The following PDXK variants were observed in gnomAD, a reference collection of about 807,000 sequenced individuals.
The protein encoded by PDXK is pyridoxal kinase.
PDXK carries 15 observed loss-of-function variants against 43.2 expected under a neutral mutation model. That is an observed-to-expected ratio of 0.35 (90% CI 0.23 to 0.53). The LOEUF (loss-of-function observed/expected upper bound fraction) is 0.53. Ranked by LOEUF, PDXK falls within the 20% of genes least tolerant of loss-of-function variation. PDXK has a pLI of 0.92. For synonymous variants in PDXK, 172 were observed against 165.4 expected (o/e 1.04, Z -0.31); for missense variants, 343 against 417.0 (o/e 0.82, Z 1.54).
chr21:43,727,346 G>A (rs1041341571), intron 1 of PDXK, among the ~76,000 whole-genome samples: 7 of 151,102 alleles, frequency 4.6e-5, no homozygotes, highest in South Asian at 2.2e-4. Context: ...GCAATCAGCC[G>A]AGGAGGGGCC....
Position 43,737,804 on chromosome 21 carries a change from GC to G in PDXK, c.142+3683del. 1.0e-6 allele frequency: 1 copy of G among 985,492 alleles called. No individual in the cohort carries two copies. Among genetic ancestry groups the G allele is most frequent in the Non-Finnish European group, 1.2e-6 (1 of 829,952 alleles). 61.0% of individuals were successfully genotyped at this position (985,492 alleles called of 1,614,324 possible). On this transcript the variant is annotated intron_variant, in intron 2 of 10. Transcript: ENST00000291565. This position sits in a 1 kb window ranked among gnomAD's most constrained non-coding sequence, Gnocchi z 4.8. ...CTGACAGGAGTGCCAGGCTCCTTGG[GC>G]CGCCCGAGGAACCGCTTGTTTGCCT...
At position 43,737,107 on chromosome 21, in the gene PDXK, G is replaced by A. The variant is rs1428423487; in HGVS notation, c.142+2984G>A. ...ACCAGCACGCCCACCTCCTGCCCAG[G>A]GTTGTTACTGGGGTGGTCACGTGGG... is the stretch of plus-strand genomic sequence containing the variant. On this transcript the variant is annotated intron_variant, in intron 2 of 10. Transcript: ENST00000291565. The surrounding 1 kb of genome is among the most constrained non-coding windows in gnomAD (Gnocchi z 4.8). 7.0e-6 allele frequency: 7 copies of A among 994,604 alleles called. No individual in the cohort carries two copies. In the African/African-American group the frequency reaches 1.1e-4, roughly 16 times the overall value. The allele number at this position is 994,604 out of a possible 1,614,324, so 61.6% of individuals were successfully genotyped here.
intron 2 of PDXK, among the ~76,000 whole-genome samples, chr21:43,740,754 G>T (rs1400558204): frequency 6.6e-6 from 1 of 151,898 alleles, no homozygotes; most frequent in Non-Finnish European, 1.5e-5. Flanking sequence ...ATACACCTGG[G>T]CTGAGGCCTC....
intron 2 of PDXK, among the ~76,000 whole-genome samples, chr21:43,739,537 ACACCTCCTT>A (rs139745967): frequency 0.01 from 1,537 of 152,094 alleles, 41 homozygotes; most frequent in African/African-American, 0.036. Context: ...GGGGAAACAA[ACACCTCCTT>A]CACATTGGCG....
Position 43,723,131 on chromosome 21 carries a change from G to T in PDXK, c.87+3750G>T, listed in dbSNP as rs905474026. ...GGGATTACAGGCATGGGGCCACCAC[G>T]CCTGGCCTTCTTTTTCTTTTTCTTT... On this transcript the variant is annotated intron_variant, in intron 1 of 10. Transcript: ENST00000291565. The surrounding 1 kb of genome is among the most constrained non-coding windows in gnomAD (Gnocchi z 4.1). Among the ~76,000 whole-genome samples, 1 of 150,810 alleles carries T rather than the reference G, an allele frequency of 6.6e-6. No individual in the cohort carries two copies. Among genetic ancestry groups the T allele is most frequent in the Non-Finnish European group, 1.5e-5 (1 of 67,806 alleles).
At chr21:43,729,269 T>C (rs2083287960) in intron 1 of PDXK, among the ~76,000 whole-genome samples, 2 of 152,252 alleles carry the variant, frequency 1.3e-5, no homozygotes. Flanking sequence ...CCGGGGGCTT[T>C]GGCCAGGGCC....
rs921943619 is a variant in PDXK at position 43,759,244 on chromosome 21, C to G, written c.*3181C>G. ...CACAGTAGGTGCACGGTGCAAGGCC[C>G]TGGGAGGGCACTGGCCAGGGAAGGT... On this transcript the variant is annotated 3_prime_UTR_variant, in exon 11 of 11. Transcript: ENST00000291565. 1.3e-5 allele frequency: 2 copies of G among 153,344 alleles called. No homozygotes were observed. The highest frequency in any genetic ancestry group is 2.1e-4 in the South Asian group (1 of 4,826). 9.5% of individuals were successfully genotyped at this position (153,344 alleles called of 1,614,324 possible). A position where few individuals can be genotyped will look rare whatever the true frequency, so the allele number is the denominator to read the frequency against.
intron 1 of PDXK, among the ~76,000 whole-genome samples, chr21:43,724,648 C>T (rs959863304): frequency 6.6e-6 from 1 of 150,878 alleles, no homozygotes; most frequent in Admixed American, 6.6e-5. Flanking sequence ...TTGAGACCAC[C>T]GTGGGCAACA....
chr21:43,741,567 C>T lies in PDXK; in HGVS notation c.143-100C>T, dbSNP rs1486957429. ...AGCCAGTCCATGGGGAGGAGCCGTC[C>T]ACCAGGCAGCCTCAGGGAGAGTGGG... On this transcript the variant is annotated intron_variant, in intron 2 of 10. Coordinates refer to ENST00000291565, the MANE Select transcript of PDXK (RefSeq NM_003681.5). 1 of 1,547,132 alleles carries T rather than the reference C, an allele frequency of 6.5e-7. No homozygotes were observed. Among genetic ancestry groups the T allele is most frequent in the Non-Finnish European group, 8.7e-7 (1 of 1,148,782 alleles).
intron 4 of PDXK, among the ~76,000 whole-genome samples, chr21:43,744,035 G>C (rs1338056485): frequency 6.6e-6 from 1 of 152,248 alleles, no homozygotes; most frequent in Non-Finnish European, 1.5e-5. Context: ...TGTGGCTGGT[G>C]TGAGACAGGA....
At chr21:43,733,670 C>G (rs2083356788) in intron 1 of PDXK, 2 of 1,058,598 alleles carry the variant, frequency 1.9e-6, no homozygotes, top group South Asian at 3.0e-5. Flanking sequence ...ACAGCAGAGA[C>G]AGCCTCCCAG....
intron 3 of PDXK, among the ~76,000 whole-genome samples, chr21:43,742,107 G>A (rs2083546020): frequency 6.6e-6 from 1 of 152,116 alleles, no homozygotes; most frequent in Admixed American, 6.5e-5. Context: ...TTAGGTGACG[G>A]GCTGCTACCT....
At chr21:43,747,971 T>G (rs2083666848) in intron 5 of PDXK, among the ~76,000 whole-genome samples, 1 of 152,216 alleles carries the variant, frequency 6.6e-6, no homozygotes, top group Non-Finnish European at 1.5e-5. Flanking sequence ...AAGCCATGTC[T>G]GGAGCAGCGG....
At chr21:43,740,504 C>A (rs137858781) in intron 2 of PDXK, among the ~76,000 whole-genome samples, 1 of 151,984 alleles carries the variant, frequency 6.6e-6, no homozygotes, top group African/African-American at 2.4e-5. Flanking sequence ...CGATGTGAGG[C>A]GTTTCTCATG....
rs1370448124 is a variant in PDXK at position 43,758,625 on chromosome 21, T to G, written c.*2562T>G. On this transcript the variant is annotated 3_prime_UTR_variant, in exon 11 of 11. Transcript: ENST00000291565. ...TCATCCAGGAAGGTAACCTTGGGCA[T>G]TGGCAGTGGGTTTCCCTATGGCTTG... The G allele has an allele frequency of 1.3e-5, 2 of 153,714 alleles. No individual in the cohort carries two copies. Among genetic ancestry groups the G allele is most frequent in the East Asian group, 3.8e-4 (2 of 5,202 alleles). 9.5% of individuals were successfully genotyped at this position (153,714 alleles called of 1,614,324 possible).
chr21:43,741,635 G>A (rs1287883210), intron 2 of PDXK, 32 bp from the exon 3 acceptor site: 3 of 1,603,646 alleles, frequency 1.9e-6, no homozygotes, highest in Non-Finnish European at 2.6e-6. Flanking sequence ...GCCCCCTTGT[G>A]TCTGAGCCCC....
chr21:43,724,937 GTT>G (rs552712667), intron 1 of PDXK, among the ~76,000 whole-genome samples: 5 of 148,598 alleles, frequency 3.4e-5, no homozygotes, highest in East Asian at 2.0e-4. Context: ...GGTAGACCCT[GTT>G]TTTAAAAAAA....
intron 3 of PDXK, 119 bp from the exon 4 acceptor site, chr21:43,743,605 C>T: frequency 1.4e-6 from 1 of 709,690 alleles, no homozygotes. Context: ...TCGCCTGCAC[C>T]CACCTCCCTC....
At position 43,726,270 on chromosome 21, in the gene PDXK, CT is replaced by C. The variant is rs1182376121; in HGVS notation, c.87+6909del. On this transcript the variant is annotated intron_variant, in intron 1 of 10. Transcript: ENST00000291565. ...GTCCCGTTTTCCATTTTTTCTTTTT[CT>C]TTTTTTTTTTTTTTTTTTTGAGACG... Among the ~76,000 whole-genome samples, 962 of 116,798 alleles carry C rather than the reference CT, an allele frequency of 8.2e-3. 3 individuals are homozygous for C. Among genetic ancestry groups the C allele is most frequent in the East Asian group, 0.023 (106 of 4,540 alleles). 76.6% of individuals were successfully genotyped at this position (116,798 alleles called of 152,430 possible).
Sources: allele counts gnomAD v4.1 joint callset (sites outside exome capture counted in the v4.1 genomes callset), GRCh38; gene constraint gnomAD v4.1.1; non-coding constraint Gnocchi (gnomAD v3.1); transcripts MANE v1.5; gene names NCBI Gene and HGNC (gene_info 2026-07-23, HGNC 2026-07-21).